LAMA2: variants seen among roughly 807,000 people sequenced by gnomAD.
LAMA2 encodes the protein laminin subunit alpha-2.
A neutral mutation model predicts 364.8 loss-of-function variants in LAMA2; 269 were observed. That is an observed-to-expected ratio of 0.74 (90% CI 0.67 to 0.82). The LOEUF is 0.82. LAMA2 is among the 40% of genes least tolerant of loss of function. The pLI, the probability that LAMA2 is intolerant of heterozygous loss-of-function variation, is 0.00. For missense variants in LAMA2, 3,807 were observed against 3,873.2 expected, an observed-to-expected ratio of 0.98 and a Z score of 0.45; for synonymous variants, 1,379 against 1,370.6, an observed-to-expected ratio of 1.01 and a Z score of -0.14.
intron 45 of LAMA2, 84 bp downstream of exon 45, chr6:129,445,905 C>T (rs1182440917): frequency 7.4e-7 from 1 of 1,347,176 alleles, no homozygotes; most frequent in Admixed American, 1.7e-5. Flanking sequence ...CCAGGATTCC[C>T]CGTTGAATGA....
rs867954920 is a variant in LAMA2, at chr6:128,911,542, T to C, written c.112+28185T>C. ...ACTGACCTGCGCCCACTGTCTGGCA[T>C]TCCTTAGTGAGATGAACCCGGTACC... is the stretch of plus-strand genomic sequence containing the variant. On this transcript the variant is annotated intron_variant, in intron 1 of 64. Coordinates refer to ENST00000421865, the MANE Select transcript of LAMA2 (RefSeq NM_000426.4). Among the ~76,000 whole-genome samples, 23 of 152,186 alleles carry C rather than the reference T, an allele frequency of 1.5e-4. No individual in the cohort carries two copies. In the South Asian group the frequency reaches 2.7e-3, roughly 18 times the overall value.
chr6:129,324,083 C>G (rs930622974), intron 28 of LAMA2, among the ~76,000 whole-genome samples: 14 of 152,176 alleles, frequency 9.2e-5, no homozygotes, highest in African/African-American at 2.7e-4. Context: ...ACCAGAGACC[C>G]AAAGTCTCTG....
At position 129,163,059 on chromosome 6, in the gene LAMA2, A is replaced by G. The variant is rs1465281155; in HGVS notation, c.1207-2517A>G. On this transcript the variant is annotated intron_variant, in intron 8 of 64. Coordinates refer to ENST00000421865, the MANE Select transcript of LAMA2 (RefSeq NM_000426.4). ...TTGATTCACAAAGCTTCTAGGAACT[A>G]TAAATTGAGATTTTATTCCACATTT... Among the ~76,000 whole-genome samples, 3 of 152,210 alleles carry G rather than the reference A, an allele frequency of 2.0e-5. No homozygotes were observed. The East Asian group carries it at 5.8e-4, about 29-fold the overall frequency.
chr6:129,098,549 T>C, intron 4 of LAMA2, 134 bp downstream of exon 4: 1 of 1,055,176 alleles, frequency 9.5e-7, no homozygotes, highest in African/African-American at 1.6e-5. Context: ...TTTAAATGAG[T>C]TATTAAATAA....
intron 1 of LAMA2, chr6:128,929,223 T>G (rs995243447): frequency 1.3e-6 from 2 of 1,488,668 alleles, no homozygotes; most frequent in East Asian, 2.3e-5. Flanking sequence ...CTTCTGAGCT[T>G]CTTCCTCTGA....
At chr6:129,440,686 C>G in intron 42 of LAMA2, 130 bp from the exon 43 acceptor site, 1 of 838,446 alleles carries the variant, frequency 1.2e-6, no homozygotes, top group Non-Finnish European at 2.0e-6. Context: ...CTGAATGAGA[C>G]AAAGTTCAGC....
At chr6:129,417,563 T>A (rs536878773) in intron 40 of LAMA2, among the ~76,000 whole-genome samples, 1 of 152,256 alleles carries the variant, frequency 6.6e-6, no homozygotes, top group East Asian at 1.9e-4. Context: ...AGGCAGTCCC[T>A]GGCTTGAAGG....
At chr6:129,254,974 T>C (rs1363363816) in intron 14 of LAMA2, among the ~76,000 whole-genome samples, 1 of 152,122 alleles carries the variant, frequency 6.6e-6, no homozygotes, top group East Asian at 1.9e-4. Context: ...ATTTCTCTAA[T>C]CCTGGAGGGT....
rs141073487 is a variant in LAMA2, at chr6:129,368,334, T to C, written c.4861-1558T>C. 6.8e-3 allele frequency among the ~76,000 whole-genome samples: 1,041 copies of C among 152,314 alleles called. 9 individuals are homozygous for C. Among genetic ancestry groups the C allele is most frequent in the African/African-American group, 0.024 (987 of 41,572 alleles). On this transcript the variant is annotated intron_variant, in intron 33 of 64. Coordinates refer to ENST00000421865, the MANE Select transcript of LAMA2 (RefSeq NM_000426.4). ...AGCAGAGGCAGTGGTGTGAATTAGA[T>C]CTGTCTGGCAGATATTAAAAGTCAG...
At chr6:129,136,054 G>A (rs1416925894) in intron 4 of LAMA2, among the ~76,000 whole-genome samples, 4 of 151,910 alleles carry the variant, frequency 2.6e-5, no homozygotes, top group Non-Finnish European at 4.4e-5. Context: ...AGAGGGAAGG[G>A]GGAAATTTGC....
Position 129,369,825 on chromosome 6 carries a change from G to A in LAMA2, c.4861-67G>A. On this transcript the variant is annotated intron_variant, in intron 33 of 64. Transcript: ENST00000421865. ...AAGTTCCTTTTATATACAAAAATGT[G>A]TTCTGTCGAACACTATCACTGCAAG... 10 of 1,320,718 alleles carry A rather than the reference G, an allele frequency of 7.6e-6. No homozygotes were observed. The South Asian group carries it at 1.2e-4, about 16-fold the overall frequency. 81.8% of individuals were successfully genotyped at this position (1,320,718 alleles called of 1,614,324 possible). A position where few individuals can be genotyped will look rare whatever the true frequency, so the allele number is the denominator to read the frequency against.
intron 3 of LAMA2, among the ~76,000 whole-genome samples, chr6:129,066,253 G>A (rs964396870): frequency 6.7e-6 from 1 of 150,314 alleles, no homozygotes; most frequent in Admixed American, 6.6e-5. Context: ...CACCGTTTTA[G>A]CCGGGATGGT....
chr6:128,958,129 G>GC (rs1781266671), intron 1 of LAMA2, among the ~76,000 whole-genome samples: 1 of 151,872 alleles, frequency 6.6e-6, no homozygotes. Flanking sequence ...CATAGAAGCA[G>GC]AAATAAGTAA....
chr6:129,107,166 G>A (rs1480400971), intron 4 of LAMA2, among the ~76,000 whole-genome samples: 4 of 152,114 alleles, frequency 2.6e-5, no homozygotes, highest in African/African-American at 9.7e-5. Context: ...TGGCTTTCAG[G>A]TAGCTCTGCC....
chr6:129,254,445 G>A (rs1009673942), intron 14 of LAMA2, among the ~76,000 whole-genome samples: 8 of 152,154 alleles, frequency 5.3e-5, no homozygotes, highest in African/African-American at 9.7e-5. Context: ...AAAAGTCACC[G>A]CAAGAATTGA....
intron 16 of LAMA2, among the ~76,000 whole-genome samples, 177 bp from the exon 17 acceptor site, chr6:129,270,447 A>T (rs1787845360): frequency 6.6e-6 from 1 of 152,142 alleles, no homozygotes. Context: ...TGTTGTTTAT[A>T]AGCTAGATAT....
intron 1 of LAMA2, among the ~76,000 whole-genome samples, chr6:129,038,372 G>A (rs1786817426): frequency 6.6e-6 from 1 of 152,124 alleles, no homozygotes. Context: ...CATAACATGT[G>A]ATATTTATAT....
In LAMA2 at chr6:129,059,821, C is replaced by T. The variant is rs767921288; in HGVS notation, c.321C>T (p.Asn107=). ...TTACAAATGCTATTGATGGAAAGAA[C>T]ACTTGGTGGCAGAGTCCCAGTATTA... The part of the protein sequence containing the change: ...HPITNAIDGK[N]TWWQSPSIKN... The change falls in exon 3 of 65, where the codon AAC becomes AAT. Residue 107 remains asparagine, a synonymous_variant. Transcript: ENST00000421865. 1.9e-6 allele frequency: 3 copies of T among 1,610,148 alleles called. No individual in the cohort carries two copies. The Admixed American group carries it at 5.0e-5, about 27-fold the overall frequency.
In LAMA2 at chr6:129,516,171, C is replaced by T; in HGVS notation, c.9212-19C>T. Reference sequence around the variant, plus strand: ...GCAGGACATTTCAAAGCTGAGCCCTCTTGCATTGCCTTTTTCAGATGACCT... The same window carrying T: ...GCAGGACATTTCAAAGCTGAGCCCTTTTGCATTGCCTTTTTCAGATGACCT... On this transcript the variant is annotated intron_variant, in intron 64 of 64. Coordinates refer to ENST00000421865, the MANE Select transcript of LAMA2 (RefSeq NM_000426.4). 3.1e-6 allele frequency: 5 copies of T among 1,614,004 alleles called. No homozygotes were observed. The highest frequency in any genetic ancestry group is 4.2e-6 in the Non-Finnish European group (5 of 1,179,884).
Sources: allele counts gnomAD v4.1 joint callset (sites outside exome capture counted in the v4.1 genomes callset), GRCh38; gene constraint gnomAD v4.1.1; transcripts MANE v1.5; gene names NCBI Gene and HGNC (gene_info 2026-07-23, HGNC 2026-07-21).